UPRT: variants seen among roughly 807,000 people sequenced by gnomAD.
UPRT encodes the protein RP11-311P8.3.
A neutral mutation model predicts 22.6 loss-of-function variants in UPRT; 5 were observed. The observed-to-expected ratio is 0.22, with a 90% CI of 0.12 to 0.47. UPRT has a LOEUF of 0.47. Ranked by LOEUF, UPRT falls within the 20% of genes least tolerant of loss-of-function variation. The probability of loss-of-function intolerance (pLI) is 0.99; values close to 1 mark genes in which losing one functional copy is unlikely to be tolerated. For missense variants in UPRT, 181 were observed against 239.9 expected, an observed-to-expected ratio of 0.75 and a Z score of 1.62; for synonymous variants, 77 against 87.7, an observed-to-expected ratio of 0.88 and a Z score of 0.68.
intron 4 of UPRT, among the ~76,000 whole-genome samples, chrX:75,182,054 A>C (rs950962559): frequency 1.8e-5 from 2 of 112,009 alleles, no homozygotes; most frequent in Non-Finnish European, 3.8e-5. Flanking sequence ...TTGTAACATG[A>C]AGGGACTTTG....
intron 4 of UPRT, among the ~76,000 whole-genome samples, chrX:75,231,349 AC>A (rs1385712949): frequency 1.8e-5 from 2 of 112,122 alleles, no homozygotes; most frequent in East Asian, 5.6e-4. Context: ...AGAAGAAAAA[AC>A]TTCCACACTC....
chrX:75,263,328 A>G (rs1255437547), intron 4 of UPRT, among the ~76,000 whole-genome samples: 1 of 111,787 alleles, frequency 8.9e-6, no homozygotes, highest in African/African-American at 3.3e-5. Flanking sequence ...GGTAGAATTC[A>G]GCTGTGAATC....
At chrX:75,297,099 AAAG>A (rs1345352088) in intron 3 of UPRT, among the ~76,000 whole-genome samples, 2 of 111,592 alleles carry the variant, frequency 1.8e-5, no homozygotes, top group Non-Finnish European at 3.8e-5. Flanking sequence ...AGAGGCTCAT[AAAG>A]AAGAATGGAA....
chrX:75,239,019 CACAA>C (rs988258023), intron 4 of UPRT, among the ~76,000 whole-genome samples: 2 of 110,924 alleles, frequency 1.8e-5, no homozygotes, highest in Admixed American at 9.7e-5. Context: ...TCTGAAAGAG[CACAA>C]ACAGACAGCT....
chrX:75,254,536 A>T (rs1161328604), intron 4 of UPRT, among the ~76,000 whole-genome samples: 1 of 111,932 alleles, frequency 8.9e-6, no homozygotes, highest in Non-Finnish European at 1.9e-5. Context: ...ATTATGTCAA[A>T]CAACCAAACC....
intron 4 of UPRT, among the ~76,000 whole-genome samples, chrX:75,221,062 TA>T (rs924938359): frequency 8.9e-6 from 1 of 112,011 alleles, no homozygotes; most frequent in African/African-American, 3.2e-5. Context: ...CTTTTACATT[TA>T]AAAGACATTT....
chrX:75,218,798 A>G, intron 4 of UPRT, among the ~76,000 whole-genome samples: 1 of 107,727 alleles, frequency 9.3e-6, no homozygotes, highest in Non-Finnish European at 1.9e-5. Context: ...ACAAAAAACC[A>G]AACACCGCAT....
chrX:75,216,521 T>C (rs5981336), intron 4 of UPRT, among the ~76,000 whole-genome samples: 3,589 of 111,903 alleles, frequency 0.032, 147 homozygotes, highest in African/African-American at 0.11. Context: ...AGCCAGAAAA[T>C]ATAGAAGATA....
chrX:75,274,176 C>G lies in UPRT; in HGVS notation c.-79C>G. 7.9e-6 allele frequency: 9 copies of G among 1,137,296 alleles called. No individual in the cohort carries two copies. The South Asian group carries it at 1.9e-4, about 24-fold the overall frequency. 93.7% of individuals were successfully genotyped at this position (1,137,296 alleles called of 1,213,427 possible). ...GGAGGCGGGAGCAACCGAGAGAGCACGTGAGCATCTGTCCTTTCTACCCGT... is the reference window on the plus strand; with the variant it reads ...GGAGGCGGGAGCAACCGAGAGAGCAGGTGAGCATCTGTCCTTTCTACCCGT... On this transcript the variant is annotated 5_prime_UTR_variant, in exon 1 of 7. Coordinates refer to ENST00000373383, the MANE Select transcript of UPRT (RefSeq NM_145052.4).
intron 4 of UPRT, among the ~76,000 whole-genome samples, chrX:75,207,621 G>A (rs963657285): frequency 3.6e-5 from 4 of 111,593 alleles, no homozygotes; most frequent in South Asian, 3.8e-4. Context: ...TGCTGTAAAC[G>A]GGATGATGGG....
chrX:75,251,707 T>C (rs1174006201), intron 4 of UPRT, among the ~76,000 whole-genome samples: 1 of 110,747 alleles, frequency 9.0e-6, no homozygotes, highest in East Asian at 2.8e-4. Flanking sequence ...AATTGGAAAA[T>C]CTACTTTAAA....
Position 75,274,133 on chromosome X carries a change from C to T in UPRT, c.-122C>T, listed in dbSNP as rs2082620723. ...AGCGGCCTAGGGGTGAAAGGACAGCCAGGGTTAGATGTTCTGAGGAGGCGG... is the reference window on the plus strand; with the variant it reads ...AGCGGCCTAGGGGTGAAAGGACAGCTAGGGTTAGATGTTCTGAGGAGGCGG... On this transcript the variant is annotated 5_prime_UTR_variant, in exon 1 of 7. Coordinates refer to ENST00000373383, the MANE Select transcript of UPRT (RefSeq NM_145052.4). 9.6e-6 allele frequency: 10 copies of T among 1,041,791 alleles called. No individual in the cohort carries two copies. Among genetic ancestry groups the T allele is most frequent in the Non-Finnish European group, 1.1e-5 (9 of 786,888 alleles). 85.9% of individuals were successfully genotyped at this position (1,041,791 alleles called of 1,213,427 possible).
At chrX:75,249,239 C>T (rs747153053) in intron 4 of UPRT, among the ~76,000 whole-genome samples, 1 of 111,697 alleles carries the variant, frequency 9.0e-6, no homozygotes, top group East Asian at 2.8e-4. Context: ...GGGCTAAATG[C>T]TCCAATTAAA....
chrX:75,250,959 A>T (rs2082527377), intron 4 of UPRT, among the ~76,000 whole-genome samples: 1 of 111,863 alleles, frequency 8.9e-6, no homozygotes, highest in Non-Finnish European at 1.9e-5. Flanking sequence ...AAAGACAAAA[A>T]TGACATGATT....
chrX:75,235,112 C>A (rs1313314656), intron 4 of UPRT, among the ~76,000 whole-genome samples: 1 of 111,663 alleles, frequency 9.0e-6, no homozygotes, highest in East Asian at 2.8e-4. Context: ...ATATCACCAC[C>A]AATCCCACAG....
chrX:75,186,326 G>T (rs1172883434), intron 4 of UPRT, among the ~76,000 whole-genome samples: 1 of 111,806 alleles, frequency 8.9e-6, no homozygotes, highest in Non-Finnish European at 1.9e-5. Context: ...ATGTAGTTGA[G>T]CAGTTTTGAG....
At chrX:75,257,617 T>G (rs1221041087) in intron 4 of UPRT, among the ~76,000 whole-genome samples, 1 of 111,703 alleles carries the variant, frequency 9.0e-6, no homozygotes, top group African/African-American at 3.3e-5. Context: ...TAGAAAACCC[T>G]AAAGTTTCTC....
In UPRT at chrX:75,191,630, C is replaced by T. The variant is rs967335776; in HGVS notation, c.-447+23751C>T. ...CTCCACCCAGTTCGAGCTTCCTGGC[C>T]GCTTTGTTTACCTACTCAAGCCTCA... On this transcript the variant is annotated intron_variant, in intron 4 of 13. Coordinates refer to the UPRT transcript ENST00000652605. 6.2e-5 allele frequency among the ~76,000 whole-genome samples: 7 copies of T among 112,191 alleles called. No homozygotes were observed. The East Asian group carries it at 8.5e-4, about 14-fold the overall frequency.
intron 4 of UPRT, among the ~76,000 whole-genome samples, chrX:75,168,469 A>T (rs1360441911): frequency 9.0e-6 from 1 of 111,530 alleles, no homozygotes; most frequent in African/African-American, 3.3e-5. Flanking sequence ...TATCATTTTT[A>T]AAATTTCCGT....
Sources: allele counts gnomAD v4.1 joint callset (sites outside exome capture counted in the v4.1 genomes callset), GRCh38; gene constraint gnomAD v4.1.1; transcripts MANE v1.5; gene names NCBI Gene and HGNC (gene_info 2026-07-23, HGNC 2026-07-21).